FRMD5: variants seen among roughly 807,000 people sequenced by gnomAD.
FRMD5 encodes FERM domain containing 5.
FRMD5 carries 20 observed loss-of-function variants against 69.0 expected under a neutral mutation model. The ratio of observed to expected loss-of-function variants is 0.29; its 90% CI spans 0.20 to 0.42. The LOEUF (loss-of-function observed/expected upper bound fraction) is 0.42. Among genes scored for constraint, FRMD5 ranks in the 10% least tolerant of loss-of-function variants. The pLI is 1.00. For synonymous variants in FRMD5, 271 were observed against 260.1 expected (o/e 1.04, Z -0.40); for missense variants, 595 against 708.6 (o/e 0.84, Z 1.82).
At chr15:43,908,070 G>A (rs886838852) in intron 5 of FRMD5, among the ~76,000 whole-genome samples, 1 of 152,122 alleles carries the variant, frequency 6.6e-6, no homozygotes, top group African/African-American at 2.4e-5. Context: ...TTTAAGACTC[G>A]ACTTAGGTCA....
chr15:43,946,541 G>A (rs2089950349), intron 1 of FRMD5, among the ~76,000 whole-genome samples: 1 of 152,056 alleles, frequency 6.6e-6, no homozygotes, highest in South Asian at 2.1e-4. Context: ...CAGCCTCTGG[G>A]GTATCTCTAA....
At chr15:44,196,054 A>T (rs1399643009), upstream of FRMD5, among the ~76,000 whole-genome samples, 1 of 152,208 alleles carries the variant, frequency 6.6e-6, no homozygotes, top group African/African-American at 2.4e-5. Flanking sequence ...TACATCACAA[A>T]GAATTGTCTC....
chr15:44,136,265 C>T (rs978398020), intron 1 of FRMD5, among the ~76,000 whole-genome samples: 25 of 152,120 alleles, frequency 1.6e-4, no homozygotes, highest in African/African-American at 6.0e-4. Flanking sequence ...TTTAAGCAAT[C>T]CACCCACCTC....
chr15:43,973,243 C>T (rs1395260116), intron 1 of FRMD5, among the ~76,000 whole-genome samples: 1 of 152,018 alleles, frequency 6.6e-6, no homozygotes, highest in Non-Finnish European at 1.5e-5. Context: ...AGGATGGTCT[C>T]GATCTCCTGA....
intron 4 of FRMD5, among the ~76,000 whole-genome samples, chr15:43,915,416 G>A (rs1008379086): frequency 9.9e-5 from 15 of 152,194 alleles, no homozygotes; most frequent in African/African-American, 3.6e-4. Context: ...CAGTGGCCTG[G>A]TGACTCCGTT....
At chr15:43,891,923 T>A (rs1233602263) in intron 8 of FRMD5, 58 bp downstream of exon 8, 2 of 1,419,310 alleles carry the variant, frequency 1.4e-6, no homozygotes, top group Non-Finnish European at 2.0e-6. Context: ...ACGGGAACCG[T>A]CGCCCCTCCC....
chr15:44,078,355 G>C (rs1223144820), intron 1 of FRMD5, among the ~76,000 whole-genome samples: 1 of 151,974 alleles, frequency 6.6e-6, no homozygotes, highest in African/African-American at 2.4e-5. Flanking sequence ...ACTTCAAAAG[G>C]AGTTTTTATA....
chr15:44,027,799 C>G (rs1405344685), intron 1 of FRMD5, among the ~76,000 whole-genome samples: 1 of 152,070 alleles, frequency 6.6e-6, no homozygotes, highest in African/African-American at 2.4e-5. Flanking sequence ...TGCGTGCCAA[C>G]ACAACCAGCT....
chr15:43,947,934 C>T (rs887497508), intron 1 of FRMD5, among the ~76,000 whole-genome samples: 2 of 152,092 alleles, frequency 1.3e-5, no homozygotes, highest in African/African-American at 4.8e-5. Context: ...GGCTTATTCT[C>T]CCACAGGTGT....
At chr15:43,974,086 CAA>C (rs1427819739) in intron 1 of FRMD5, among the ~76,000 whole-genome samples, 1 of 150,760 alleles carries the variant, frequency 6.6e-6, no homozygotes, top group African/African-American at 2.4e-5. Context: ...TGGGTGGAGA[CAA>C]AGAGGCACTT....
intron 1 of FRMD5, among the ~76,000 whole-genome samples, chr15:43,932,730 G>A (rs2089696159): frequency 6.6e-6 from 1 of 152,216 alleles, no homozygotes; most frequent in Non-Finnish European, 1.5e-5. Context: ...GCTACCTGTA[G>A]CATTAGACTC....
chr15:43,996,357 A>G lies in FRMD5; in HGVS notation c.103-72048T>C, dbSNP rs1566887326. On this transcript the variant is annotated intron_variant, in intron 1 of 13. Transcript: ENST00000417257. ...GTTGAGGAATGAGGCAACGTCCGGT[A>G]CTCACTCTCCTTCCCTCACACAGAG... 2.0e-5 allele frequency among the ~76,000 whole-genome samples: 3 copies of G among 152,012 alleles called. No individual in the cohort carries two copies. The East Asian group carries it at 5.8e-4, about 29-fold the overall frequency.
At chr15:44,190,686 G>A (rs1294539864) in intron 1 of FRMD5, among the ~76,000 whole-genome samples, 1 of 152,104 alleles carries the variant, frequency 6.6e-6, no homozygotes, top group Non-Finnish European at 1.5e-5. Context: ...CAGCAAAACG[G>A]TTTGTAATGG....
intron 1 of FRMD5, among the ~76,000 whole-genome samples, chr15:44,173,600 CT>C (rs1443981748): frequency 6.6e-6 from 1 of 152,110 alleles, no homozygotes; most frequent in Non-Finnish European, 1.5e-5. Flanking sequence ...TCACTGTAAC[CT>C]CCAGGTTCAA....
At chr15:44,096,585 T>C (rs149910226) in intron 1 of FRMD5, among the ~76,000 whole-genome samples, 2 of 151,920 alleles carry the variant, frequency 1.3e-5, no homozygotes, top group Non-Finnish European at 2.9e-5. Context: ...GTATTTTTAA[T>C]AGAGACGAGG....
At chr15:44,118,070 G>A (rs1595483886) in intron 1 of FRMD5, among the ~76,000 whole-genome samples, 1 of 146,852 alleles carries the variant, frequency 6.8e-6, no homozygotes. Flanking sequence ...CTTGCTAGGG[G>A]TAGTGATTGA....
At chr15:44,099,496 T>C (rs1442304303) in intron 1 of FRMD5, among the ~76,000 whole-genome samples, 1 of 152,102 alleles carries the variant, frequency 6.6e-6, no homozygotes, top group Non-Finnish European at 1.5e-5. Flanking sequence ...AAGGAGACTG[T>C]TAAAACTGAA....
intron 1 of FRMD5, among the ~76,000 whole-genome samples, chr15:43,971,192 A>T (rs2090370908): frequency 6.6e-6 from 1 of 151,810 alleles, no homozygotes; most frequent in Non-Finnish European, 1.5e-5. Context: ...GTGAGCTGAG[A>T]GCATGCCACT....
intron 1 of FRMD5, among the ~76,000 whole-genome samples, chr15:43,969,436 T>C (rs1262268261): frequency 1.3e-5 from 2 of 152,164 alleles, no homozygotes; most frequent in African/African-American, 2.4e-5. Context: ...CATTCATTCA[T>C]TCATTCGGTC....
Sources: allele counts gnomAD v4.1 joint callset (sites outside exome capture counted in the v4.1 genomes callset), GRCh38; gene constraint gnomAD v4.1.1; transcripts MANE v1.5; gene names NCBI Gene and HGNC (gene_info 2026-07-23, HGNC 2026-07-21).